The following SEL1L variants were observed in gnomAD, a reference collection of about 807,000 sequenced individuals.
The protein encoded by SEL1L is protein sel-1 homolog 1.
A neutral mutation model predicts 109.8 loss-of-function variants in SEL1L; 52 were observed. That is an observed-to-expected ratio of 0.47 (90% CI 0.38 to 0.60). SEL1L has a LOEUF of 0.60. SEL1L is among the 20% of genes least tolerant of loss of function. The probability of loss-of-function intolerance (pLI) is 0.00; values close to 1 mark genes in which losing one functional copy is unlikely to be tolerated. For missense variants in SEL1L, 749 were observed against 962.2 expected, an observed-to-expected ratio of 0.78 and a Z score of 2.93; for synonymous variants, 373 against 339.6, an observed-to-expected ratio of 1.10 and a Z score of -1.08.
At chr14:81,498,382 TCCTAAAA>T in intron 9 of SEL1L, 24 bp downstream of exon 9, 1 of 1,525,778 alleles carries the variant, frequency 6.6e-7, no homozygotes, top group Admixed American at 1.9e-5. Context: ...TATTTTTTTT[TCCTAAAA>T]GGTAAAAGGG....
intron 1 of SEL1L, among the ~76,000 whole-genome samples, chr14:81,532,746 G>A (rs1163363534): frequency 6.6e-6 from 1 of 152,046 alleles, no homozygotes; most frequent in Non-Finnish European, 1.5e-5. Context: ...ATTAAAAAAA[G>A]AAAAAGCTGA....
chr14:81,510,514 C>CTCTATATATATATATA (rs35474067), intron 3 of SEL1L, among the ~76,000 whole-genome samples: 157 of 104,040 alleles, frequency 1.5e-3, no homozygotes, highest in Non-Finnish European at 2.0e-3. Flanking sequence ...CTCTCTCTCT[C>CTCTATATATATATATA]TATATATATA....
Position 81,490,456 on chromosome 14 carries a change from C to G in SEL1L, c.1264G>C (p.Glu422Gln). Residue 422 changes from glutamate (E) to glutamine (Q), a missense_variant, in exon 13 of 21, where the codon GAA becomes CAA. Transcript: ENST00000336735. The stretch of plus-strand genomic sequence containing the variant: ...CTCTGAGGTACAATGTCACTTCCTT[C>G]CGAATACATCTGGAAAACAGATCCC... Reference protein sequence around the residue: ...AMAFLGKMYSEGSDIVPQSNE... With the variant: ...AMAFLGKMYSQGSDIVPQSNE... 1.1e-5 allele frequency: 18 copies of G among 1,613,132 alleles called. No homozygotes were observed. The highest frequency in any genetic ancestry group is 1.5e-5 in the Non-Finnish European group (18 of 1,179,128).
At position 81,475,273 on chromosome 14, in the gene SEL1L, A is replaced by G. The variant is rs1428120751; in HGVS notation, c.*1699T>C. On this transcript the variant is annotated 3_prime_UTR_variant, in exon 21 of 21. Coordinates refer to ENST00000336735, the MANE Select transcript of SEL1L (RefSeq NM_005065.6). ...TCCTACCTTTCACAGATACGCTTTC[A>G]TACATATGGCTCTCTTGGTGACTAA... The G allele has an allele frequency of 6.6e-6, 1 of 152,514 alleles. No homozygotes were observed. Among genetic ancestry groups the G allele is most frequent in the Non-Finnish European group, 1.5e-5 (1 of 68,036 alleles). The allele number at this position is 152,514 out of a possible 1,614,324, so 9.4% of individuals were successfully genotyped here. A position where few individuals can be genotyped will look rare whatever the true frequency, so the allele number is the denominator to read the frequency against.
intron 3 of SEL1L, among the ~76,000 whole-genome samples, chr14:81,517,242 C>T (rs892422729): frequency 1.3e-5 from 2 of 152,080 alleles, no homozygotes; most frequent in Admixed American, 6.6e-5. Context: ...TGCTGGATGC[C>T]CCTGACTGCT....
At chr14:81,504,172 G>T in intron 5 of SEL1L, 29 bp downstream of exon 5, 1 of 1,390,704 alleles carries the variant, frequency 7.2e-7, no homozygotes, top group Non-Finnish European at 9.9e-7. Flanking sequence ...CTGTCATGGG[G>T]GAAAAGTGGA....
chr14:81,522,568 A>G (rs1328304925), intron 3 of SEL1L, among the ~76,000 whole-genome samples: 1 of 152,240 alleles, frequency 6.6e-6, no homozygotes, highest in Non-Finnish European at 1.5e-5. Context: ...GGTATAGGCT[A>G]CACTAGCTAG....
rs1595497279 is a variant in SEL1L, at chr14:81,474,427, T to G, written c.*2545A>C. The G allele has an allele frequency of 1.3e-5, 2 of 152,306 alleles. No individual in the cohort carries two copies. The highest frequency in any genetic ancestry group is 2.1e-4 in the South Asian group (1 of 4,830). 9.4% of individuals were successfully genotyped at this position (152,306 alleles called of 1,614,324 possible). On this transcript the variant is annotated 3_prime_UTR_variant, in exon 21 of 21. Transcript: ENST00000336735. ...AGAAAAGGTCTTAGGAGAGATGGGC[T>G]ACCATGGACAAATGAAGCCACACTC...
rs539950121 is a variant in SEL1L, at chr14:81,473,579, T to C, written c.*3393A>G. On this transcript the variant is annotated 3_prime_UTR_variant, in exon 21 of 21. Transcript: ENST00000336735. ...GTCATAATAATGTGTAATACATATA[T>C]ATATTATGAGATTCACTTTCAAAAC... The C allele has an allele frequency of 1.4e-4, 22 of 152,304 alleles. No homozygotes were observed. Among genetic ancestry groups the C allele is most frequent in the Non-Finnish European group, 2.4e-4 (16 of 68,006 alleles). The allele number at this position is 152,304 out of a possible 1,614,324, so 9.4% of individuals were successfully genotyped here.
intron 3 of SEL1L, among the ~76,000 whole-genome samples, chr14:81,520,262 T>C (rs1884856651): frequency 6.6e-6 from 1 of 152,214 alleles, no homozygotes; most frequent in African/African-American, 2.4e-5. Flanking sequence ...TGAAAACTGG[T>C]ACAAATTAAT....
intron 3 of SEL1L, among the ~76,000 whole-genome samples, chr14:81,512,899 CT>C (rs1884544928): frequency 6.6e-6 from 1 of 152,198 alleles, no homozygotes; most frequent in Non-Finnish European, 1.5e-5. Context: ...GACTAGTTAT[CT>C]TTTGAAAGAC....
chr14:81,532,479 G>C (rs1040920038), intron 1 of SEL1L, among the ~76,000 whole-genome samples: 1 of 152,148 alleles, frequency 6.6e-6, no homozygotes, highest in African/African-American at 2.4e-5. Context: ...CTAAAGATCT[G>C]GTCATTAACT....
rs960287125 is a variant in SEL1L at position 81,493,025 on chromosome 14, C to T, written c.1186-477G>A. Among the ~76,000 whole-genome samples the T allele has an allele frequency of 3.3e-5, 5 of 152,218 alleles. No homozygotes were observed. The South Asian group carries it at 1.0e-3, about 31-fold the overall frequency. ...GTTTAGAGAAAAATTCTTGACCCTA[C>T]TTAAAAATCACTTAAGTAAACACAC... On this transcript the variant is annotated intron_variant, in intron 11 of 20. Transcript: ENST00000336735.
intron 3 of SEL1L, among the ~76,000 whole-genome samples, chr14:81,515,162 C>A (rs1264704078): frequency 6.6e-6 from 1 of 152,180 alleles, no homozygotes; most frequent in Non-Finnish European, 1.5e-5. Flanking sequence ...CAAACCCCCA[C>A]AGGCTATTGG....
In SEL1L at chr14:81,473,796, G is replaced by A. The variant is rs1266089939; in HGVS notation, c.*3176C>T. ...AAAGAATTGTGTTTTTCATTTATAG[G>A]CCTGCATGCATACTTCCAAAACACT... On this transcript the variant is annotated 3_prime_UTR_variant, in exon 21 of 21. Transcript: ENST00000336735. 6.6e-6 allele frequency: 1 copy of A among 152,050 alleles called. No homozygotes were observed. Among genetic ancestry groups the A allele is most frequent in the East Asian group, 1.9e-4 (1 of 5,196 alleles). 9.4% of individuals were successfully genotyped at this position (152,050 alleles called of 1,614,324 possible).
chr14:81,486,588 A>T (rs1903526767), intron 16 of SEL1L, 134 bp from the exon 17 acceptor site: 5 of 769,046 alleles, frequency 6.5e-6, no homozygotes, highest in Non-Finnish European at 1.0e-5. Flanking sequence ...TTGAACAGAC[A>T]TAAAAGTTTG....
At position 81,498,138 on chromosome 14, in the gene SEL1L, C is replaced by T. The variant is rs542714782; in HGVS notation, c.974-92G>A. On this transcript the variant is annotated intron_variant, in intron 9 of 20. Transcript: ENST00000336735. The stretch of plus-strand genomic sequence containing the variant: ...TACAATTCCAGCTGCCAAACGTTGA[C>T]GAACACATTGTTAAAGGAAGCTGTT... 205 of 1,297,242 alleles carry T rather than the reference C, an allele frequency of 1.6e-4. No homozygotes were observed. In the African/African-American group the frequency reaches 2.2e-3, roughly 14 times the overall value. 80.4% of individuals were successfully genotyped at this position (1,297,242 alleles called of 1,614,324 possible). A position where few individuals can be genotyped will look rare whatever the true frequency, so the allele number is the denominator to read the frequency against.
chr14:81,531,887 A>G (rs1885339728), intron 1 of SEL1L, among the ~76,000 whole-genome samples: 1 of 152,066 alleles, frequency 6.6e-6, no homozygotes, highest in East Asian at 1.9e-4. Flanking sequence ...CACTGCCTTT[A>G]TTACCTTTTA....
At chr14:81,506,572 TCTA>T (rs1183159670) in intron 3 of SEL1L, among the ~76,000 whole-genome samples, 1 of 152,222 alleles carries the variant, frequency 6.6e-6, no homozygotes, top group Non-Finnish European at 1.5e-5. Flanking sequence ...GTGAATCAAT[TCTA>T]CTGCTCAGCA....
Sources: gnomAD v4.1 joint callset for allele counts (sites outside exome capture counted in the v4.1 genomes callset) on GRCh38, gnomAD v4.1.1 for gene constraint, MANE v1.5 for transcripts, NCBI Gene and HGNC (gene_info 2026-07-23, HGNC 2026-07-21) for gene names.